NCKAP5: variants seen among roughly 807,000 people sequenced by gnomAD.
The protein encoded by NCKAP5 is NCK associated protein 5.
Under a neutral mutation model 167.0 loss-of-function variants are expected in NCKAP5, and 92 were observed. The observed-to-expected ratio is 0.55, with a 90% CI of 0.47 to 0.66. The LOEUF is 0.66. Among genes scored for constraint, NCKAP5 ranks in the 30% least tolerant of loss-of-function variants. The pLI, the probability that NCKAP5 is intolerant of heterozygous loss-of-function variation, is 0.00. For synonymous variants in NCKAP5, 891 were observed against 877.4 expected (o/e 1.02, Z -0.27); for missense variants, 2,378 against 2,315.0 (o/e 1.03, Z -0.56).
At chr2:133,511,994 G>A (rs978449453) in intron 3 of NCKAP5, among the ~76,000 whole-genome samples, 4 of 152,096 alleles carry the variant, frequency 2.6e-5, no homozygotes, top group Non-Finnish European at 5.9e-5. Context: ...TGGTGTTTTG[G>A]GCTCTGTGCA....
In NCKAP5 at chr2:132,728,927, A is replaced by T; in HGVS notation, c.5469T>A (p.Asn1823Lys). The change falls in exon 18 of 20, where the codon AAT (asparagine) becomes AAA (lysine). Residue 1823 changes from asparagine (N) to lysine (K), a missense_variant. Asn to Lys is a moderately conservative substitution (Grantham distance 94). This residue lies in a region of NCKAP5 where 1,325 missense variants were observed against 1,274.5 expected (regional missense o/e 1.04). Coordinates refer to ENST00000409261, the MANE Select transcript of NCKAP5 (RefSeq NM_207363.3). ...ATGTCTGAGGCCTTGGCTCTGCTTCATTCTGCTTTTGGGAACTGACTTTTC... is the reference window on the plus strand; with the variant it reads ...ATGTCTGAGGCCTTGGCTCTGCTTCTTTCTGCTTTTGGGAACTGACTTTTC... The part of the protein sequence containing the change: ...SSGKVSSQKQ[N>K]EAEPRPQTCS... The T allele has an allele frequency of 6.2e-7, 1 of 1,613,984 alleles. No homozygotes were observed. Among genetic ancestry groups the T allele is most frequent in the Non-Finnish European group, 8.5e-7 (1 of 1,179,862 alleles).
chr2:133,465,721 C>T (rs1412070497), intron 3 of NCKAP5, among the ~76,000 whole-genome samples: 18 of 150,966 alleles, frequency 1.2e-4, no homozygotes, highest in East Asian at 9.8e-4. Flanking sequence ...TGAGATGGTA[C>T]CTCATTGTGG....
Position 133,130,024 on chromosome 2 carries a change from C to G in NCKAP5, c.295G>C (p.Glu99Gln). ...KRLQEVTLES[E>Q]RNRIQMRSLQ... is the part of the protein sequence containing the mutation. ...CTACGCATCTGAATTCTGTTGCGTT[C>G]AGACTCTAGGGTCACCTCCTGCAAC... is the stretch of plus-strand genomic sequence containing the variant. The change falls in exon 6 of 20, where the codon GAA (glutamate) becomes CAA (glutamine). Residue 99 changes from glutamate to glutamine, a missense_variant. Glu to Gln is a conservative substitution (Grantham distance 29, BLOSUM62 2). Transcript: ENST00000409261. 1 of 1,611,354 alleles carries G rather than the reference C, an allele frequency of 6.2e-7. No individual in the cohort carries two copies.
chr2:133,673,159 T>C, the NCKAP5 span, among the ~76,000 whole-genome samples: 1 of 152,170 alleles, frequency 6.6e-6, no homozygotes, highest in Admixed American at 6.5e-5. Context: ...ACCTGGCCAA[T>C]CAATCACAGG....
chr2:133,438,226 C>T (rs147465462), intron 3 of NCKAP5, among the ~76,000 whole-genome samples: 3 of 152,188 alleles, frequency 2.0e-5, no homozygotes, highest in Admixed American at 2.0e-4. Context: ...CTTCTGGCAG[C>T]ATGGCATACA....
At chr2:133,004,854 A>C (rs1377696312) in intron 6 of NCKAP5, among the ~76,000 whole-genome samples, 3 of 152,144 alleles carry the variant, frequency 2.0e-5, no homozygotes, top group African/African-American at 7.2e-5. Context: ...CAGAGCAGCC[A>C]TTTTAGAGAC....
chr2:133,444,985 T>G (rs544510615), intron 3 of NCKAP5, among the ~76,000 whole-genome samples: 13 of 152,280 alleles, frequency 8.5e-5, no homozygotes, highest in African/African-American at 3.1e-4. Context: ...TAATAAAAAA[T>G]AAGCTTTTAG....
At chr2:133,001,772 T>C (rs2077790793) in intron 6 of NCKAP5, among the ~76,000 whole-genome samples, 1 of 152,138 alleles carries the variant, frequency 6.6e-6, no homozygotes, top group Non-Finnish European at 1.5e-5. Flanking sequence ...TCTCGTTACT[T>C]GCAAATGCTG....
At chr2:132,794,202 CT>C (rs199930108) in intron 12 of NCKAP5, among the ~76,000 whole-genome samples, 22,970 of 118,026 alleles carry the variant, frequency 0.19, 2,602 homozygotes, top group East Asian at 0.32. Context: ...GGTGTTGCTA[CT>C]ATTATTAAAA....
At chr2:133,152,190 C>T (rs2083406061) in intron 5 of NCKAP5, among the ~76,000 whole-genome samples, 1 of 152,120 alleles carries the variant, frequency 6.6e-6, no homozygotes, top group Non-Finnish European at 1.5e-5. Flanking sequence ...TGATCTCTCC[C>T]TATATCCCAC....
intron 2 of NCKAP5, among the ~76,000 whole-genome samples, chr2:133,527,978 C>G (rs944704348): frequency 2.6e-5 from 4 of 152,020 alleles, no homozygotes; most frequent in Admixed American, 1.3e-4. Flanking sequence ...GGCAGGAGGA[C>G]TGCTTAAGCC....
chr2:133,363,167 C>T (rs1014646731), intron 3 of NCKAP5, among the ~76,000 whole-genome samples: 3 of 152,168 alleles, frequency 2.0e-5, no homozygotes, highest in Admixed American at 6.5e-5. Flanking sequence ...TGGTTGTTCT[C>T]TGCCTAACAA....
At chr2:133,035,764 C>T (rs890974375) in intron 6 of NCKAP5, among the ~76,000 whole-genome samples, 16 of 151,466 alleles carry the variant, frequency 1.1e-4, no homozygotes, top group African/African-American at 3.9e-4. Flanking sequence ...TCTAATGATG[C>T]ATCTTAAAAA....
At chr2:132,737,235 A>C (rs1156872114) in intron 16 of NCKAP5, among the ~76,000 whole-genome samples, 2 of 152,236 alleles carry the variant, frequency 1.3e-5, no homozygotes, top group Non-Finnish European at 2.9e-5. Context: ...AGTCTACAGC[A>C]GAATGGTAGA....
chr2:133,385,864 G>C (rs1266664299), intron 3 of NCKAP5, among the ~76,000 whole-genome samples: 3 of 152,084 alleles, frequency 2.0e-5, no homozygotes, highest in Non-Finnish European at 1.5e-5. Context: ...TCTGATGGTA[G>C]TTTGTATTTC....
At chr2:132,821,451 C>T (rs2105321242) in intron 11 of NCKAP5, among the ~76,000 whole-genome samples, 1 of 152,282 alleles carries the variant, frequency 6.6e-6, no homozygotes, top group Admixed American at 6.5e-5. Flanking sequence ...GGGAAGACAG[C>T]CAGAGGAATT....
rs992132653 is a variant in NCKAP5 at position 132,785,469 on chromosome 2, C to G, written c.1342G>C (p.Glu448Gln). The change falls in exon 14 of 20, where the codon GAG (glutamate) becomes CAG (glutamine). Residue 448 changes from glutamate to glutamine, a missense_variant. Coordinates refer to ENST00000409261, the MANE Select transcript of NCKAP5 (RefSeq NM_207363.3). ...SPGIKSSSLK[E>Q]YPPCKTADLG... ...TCAGCTGTTTTGCAGGGGGGATACT[C>G]CTTGAGGCTGCTACTTTTAATTCCA... 1.2e-6 allele frequency: 2 copies of G among 1,613,496 alleles called. No individual in the cohort carries two copies. Among genetic ancestry groups the G allele is most frequent in the East Asian group, 4.5e-5 (2 of 44,876 alleles).
At chr2:133,135,646 C>T (rs1384645288) in intron 5 of NCKAP5, among the ~76,000 whole-genome samples, 1 of 151,732 alleles carries the variant, frequency 6.6e-6, no homozygotes, top group African/African-American at 2.4e-5. Flanking sequence ...TTAAATAATG[C>T]TACCAGCTTT....
chr2:133,333,695 T>G (rs1683023771), intron 3 of NCKAP5: 1 of 152,218 alleles, frequency 6.6e-6, no homozygotes, highest in Admixed American at 6.5e-5. Context: ...CAGACTGCAT[T>G]GCTGAACACC....
Sources: gnomAD v4.1 joint callset for allele counts (sites outside exome capture counted in the v4.1 genomes callset) on GRCh38, gnomAD v4.1.1 for gene constraint, gnomAD v4.1.1 regional missense constraint, MANE v1.5 for transcripts, NCBI Gene and HGNC (gene_info 2026-07-23, HGNC 2026-07-21) for gene names.